The following DUSP22 variants were observed in gnomAD, a reference collection of about 807,000 sequenced individuals.
DUSP22 encodes dual specificity phosphatase 22, also known as dual specificity protein phosphatase 22.
Under a neutral mutation model 24.5 loss-of-function variants are expected in DUSP22, and 24 were observed. That is an observed-to-expected ratio of 0.98 (90% confidence interval 0.71 to 1.38). The LOEUF is 1.38. Among genes scored for constraint, DUSP22 ranks in the 40% most tolerant of loss-of-function variants. The pLI is 0.00. For missense variants in DUSP22, 330 were observed against 269.2 expected (o/e 1.23, Z -1.58); for synonymous variants, 160 against 106.4 (o/e 1.50, Z -3.10).
chr6:304,612 T>A lies in DUSP22; in HGVS notation c.22-16T>A. On this transcript the variant is annotated splice_polypyrimidine_tract_variant and intron_variant, in intron 1 of 6. Coordinates refer to ENST00000419235, the MANE Select transcript of DUSP22 (RefSeq NM_001286555.3). ...AGAGTCTGCCATGCTCATGTCTGTG[T>A]CTGTCTCTCTCCTAGATCCTGCCCG... is the stretch of plus-strand genomic sequence containing the variant. The A allele has an allele frequency of 6.2e-7, 1 of 1,614,246 alleles. No homozygotes were observed. The highest frequency in any genetic ancestry group is 8.5e-7 in the Non-Finnish European group (1 of 1,180,008).
intron 4 of DUSP22, among the ~76,000 whole-genome samples, chr6:342,933 C>T (rs570293288): frequency 5.2e-4 from 79 of 152,398 alleles, no homozygotes; most frequent in African/African-American, 1.6e-3. Context: ...CTCTGCCAAC[C>T]GCAGACGGCT....
At chr6:332,754 C>T (rs1253499212) in intron 3 of DUSP22, among the ~76,000 whole-genome samples, 4 of 152,264 alleles carry the variant, frequency 2.6e-5, no homozygotes, top group East Asian at 1.9e-4. Context: ...ATTTCCATCT[C>T]GTCTTAAGCT....
intron 4 of DUSP22, among the ~76,000 whole-genome samples, chr6:339,591 G>T (rs1759508849): frequency 6.6e-6 from 1 of 152,270 alleles, no homozygotes; most frequent in East Asian, 1.9e-4. Context: ...TTTGATCTCT[G>T]CCAGGCTATG....
chr6:321,695 AAAT>A (rs1299348144), intron 3 of DUSP22, among the ~76,000 whole-genome samples: 12 of 152,308 alleles, frequency 7.9e-5, no homozygotes, highest in Non-Finnish European at 1.5e-4. Context: ...GCAAAAGAAA[AAAT>A]AATAATAATT....
intron 3 of DUSP22, among the ~76,000 whole-genome samples, chr6:330,870 G>T (rs1394150607): frequency 6.6e-6 from 1 of 152,294 alleles, no homozygotes; most frequent in Non-Finnish European, 1.5e-5. Flanking sequence ...TTTACATCAC[G>T]TGGTTTTATA....
At chr6:292,941 G>GC (rs35135481) in intron 1 of DUSP22, among the ~76,000 whole-genome samples, 7,133 of 150,154 alleles carry the variant, frequency 0.048, 11 homozygotes, top group African/African-American at 0.13. Context: ...AGCCACCACC[G>GC]CCCCCCCCAC....
At chr6:324,787 G>C (rs760276423) in intron 3 of DUSP22, among the ~76,000 whole-genome samples, 5 of 152,306 alleles carry the variant, frequency 3.3e-5, no homozygotes, top group African/African-American at 1.2e-4. Context: ...GCTGCAGATT[G>C]TGTCCAAGCC....
intron 1 of DUSP22, among the ~76,000 whole-genome samples, chr6:297,654 G>A (rs1017148674): frequency 3.7e-4 from 56 of 152,286 alleles, no homozygotes; most frequent in African/African-American, 1.2e-3. Context: ...ATCCCCTGGG[G>A]AGTGAAATCA....
At position 348,223 on chromosome 6, in the gene DUSP22, C is replaced by A. The variant is rs370002831; in HGVS notation, c.384C>A (p.Asn128Lys). 2.5e-6 allele frequency: 4 copies of A among 1,614,302 alleles called. No homozygotes were observed. In the East Asian group the frequency reaches 8.9e-5, roughly 36 times the overall value. Residue 128 changes from asparagine to lysine, a missense_variant, in exon 6 of 7, where the codon AAC (asparagine) becomes AAA (lysine). Coordinates refer to ENST00000419235, the MANE Select transcript of DUSP22 (RefSeq NM_001286555.3). ...VRAGRSCANP[N>K]VGFQRQLQEF... ...CTGGGAGATCCTGTGCCAACCCCAA[C>A]GTGGGCTTCCAGAGACAGCTCCAGG...
At chr6:314,406 C>G (rs1417215174) in intron 3 of DUSP22, among the ~76,000 whole-genome samples, 1 of 152,300 alleles carries the variant, frequency 6.6e-6, no homozygotes, top group East Asian at 1.9e-4. Flanking sequence ...GCGAGCCCTG[C>G]TGCTGTGAAG....
intron 4 of DUSP22, among the ~76,000 whole-genome samples, chr6:336,096 A>G (rs1314454214): frequency 1.3e-5 from 2 of 152,218 alleles, no homozygotes; most frequent in Non-Finnish European, 2.9e-5. Context: ...TGGAAATATC[A>G]TGATGTGGAG....
At chr6:309,630 A>C (rs1757974180) in intron 2 of DUSP22, among the ~76,000 whole-genome samples, 1 of 152,256 alleles carries the variant, frequency 6.6e-6, no homozygotes, top group African/African-American at 2.4e-5. Flanking sequence ...CTTTCTAACT[A>C]GCCTCTTGGC....
intron 3 of DUSP22, among the ~76,000 whole-genome samples, chr6:324,033 A>G (rs1168321170): frequency 1.3e-5 from 2 of 152,306 alleles, no homozygotes; most frequent in African/African-American, 2.4e-5. Context: ...TAACATTTCC[A>G]AGTGTTTTTG....
At chr6:348,497 G>C (rs1002475236) in intron 6 of DUSP22, 17 of 865,498 alleles carry the variant, frequency 2.0e-5, no homozygotes, top group Admixed American at 1.7e-4. Flanking sequence ...CTTGTGCCTG[G>C]TACTCCCTAC....
At chr6:335,744 G>A (rs1278907968) in intron 4 of DUSP22, among the ~76,000 whole-genome samples, 1 of 152,312 alleles carries the variant, frequency 6.6e-6, no homozygotes, top group Non-Finnish European at 1.5e-5. Context: ...TTCATACTTG[G>A]CACATCTCCG....
chr6:312,661 G>A (rs1304382744), intron 3 of DUSP22, among the ~76,000 whole-genome samples: 2 of 152,302 alleles, frequency 1.3e-5, no homozygotes, highest in East Asian at 1.9e-4. Context: ...CTATTTTAGG[G>A]TGGGGTGTTG....
chr6:314,084 T>C (rs1417510957), intron 3 of DUSP22, among the ~76,000 whole-genome samples: 1 of 152,304 alleles, frequency 6.6e-6, no homozygotes, highest in Admixed American at 6.5e-5. Context: ...AGCAGCTCCT[T>C]GTTTTGCCAG....
intron 1 of DUSP22, among the ~76,000 whole-genome samples, chr6:296,830 C>T (rs1397965111): frequency 6.6e-6 from 1 of 152,298 alleles, no homozygotes; most frequent in Non-Finnish European, 1.5e-5. Context: ...TGAGGACCCT[C>T]TGGTTGGCAT....
chr6:302,421 T>C (rs1343214767), intron 1 of DUSP22, among the ~76,000 whole-genome samples: 2 of 152,310 alleles, frequency 1.3e-5, no homozygotes, highest in African/African-American at 2.4e-5. Flanking sequence ...GACAAGACCC[T>C]TTCTGCAGGC....
Sources: allele counts gnomAD v4.1 joint callset (sites outside exome capture counted in the v4.1 genomes callset), GRCh38; gene constraint gnomAD v4.1.1; transcripts MANE v1.5; gene names NCBI Gene and HGNC (gene_info 2026-07-23, HGNC 2026-07-21).